Variants in EXOC6B observed in about 807,000 individuals in gnomAD.
EXOC6B encodes exocyst complex component 6B.
Under a neutral mutation model 113.5 loss-of-function variants are expected in EXOC6B, and 54 were observed. The observed-to-expected ratio is 0.48, with a 90% CI of 0.38 to 0.60. The LOEUF (loss-of-function observed/expected upper bound fraction) is 0.60. Among genes scored for constraint, EXOC6B ranks in the 20% least tolerant of loss-of-function variants. EXOC6B has a pLI of 0.00. For missense variants in EXOC6B, 797 were observed against 977.5 expected (o/e 0.82, Z 2.46); for synonymous variants, 357 against 339.0 (o/e 1.05, Z -0.58).
intron 5 of EXOC6B, 131 bp downstream of exon 5, chr2:72,730,876 A>T: frequency 1.9e-6 from 1 of 532,914 alleles, no homozygotes. Flanking sequence ...GAATGAATCA[A>T]TAAATATACA....
chr2:72,656,737 T>TA (rs1469629915), intron 6 of EXOC6B, among the ~76,000 whole-genome samples: 1 of 152,246 alleles, frequency 6.6e-6, no homozygotes, highest in African/African-American at 2.4e-5. Context: ...AGATGACTAC[T>TA]ACTATCAGTT....
chr2:72,179,507 A>G, intron 21 of EXOC6B, 46 bp from the exon 22 acceptor site: 1 of 1,611,816 alleles, frequency 6.2e-7, no homozygotes, highest in Non-Finnish European at 8.5e-7. Flanking sequence ...TGAGGAAACA[A>G]TGGTGGAAGG....
At chr2:72,183,501 G>A (rs1414427042) in intron 21 of EXOC6B, among the ~76,000 whole-genome samples, 1 of 152,172 alleles carries the variant, frequency 6.6e-6, no homozygotes, top group Non-Finnish European at 1.5e-5. Context: ...CTGCAGGCTA[G>A]TGACTGCTTA....
chr2:72,443,620 A>G (rs2105338590), intron 18 of EXOC6B, among the ~76,000 whole-genome samples: 1 of 152,354 alleles, frequency 6.6e-6, no homozygotes, highest in East Asian at 1.9e-4. Flanking sequence ...ATAGACTTCC[A>G]GTTCCACATG....
chr2:72,526,057 A>G lies in EXOC6B; in HGVS notation c.916-10931T>C, dbSNP rs978828223. 8.5e-4 allele frequency among the ~76,000 whole-genome samples: 129 copies of G among 152,104 alleles called. 1 individual carries two copies. The highest frequency in any genetic ancestry group is 2.9e-4 in the Non-Finnish European group (20 of 67,970). ...CAATTTTTAAGTCTTTTCTGACCTA[A>G]CTTACACTTGTCAATCTTCTAAACT... On this transcript the variant is annotated intron_variant, in intron 8 of 21. Coordinates refer to ENST00000272427, the MANE Select transcript of EXOC6B (RefSeq NM_015189.3).
chr2:72,315,829 A>G (rs1318279892), intron 20 of EXOC6B, among the ~76,000 whole-genome samples: 2 of 152,164 alleles, frequency 1.3e-5, no homozygotes, highest in African/African-American at 4.8e-5. Flanking sequence ...GGACATTTTA[A>G]TGTATAATAA....
rs1691575990 is a variant in EXOC6B at position 72,379,801 on chromosome 2, A to G, written c.2050T>C (p.Leu684=). 1.9e-6 allele frequency: 3 copies of G among 1,613,262 alleles called. No homozygotes were observed. The highest frequency in any genetic ancestry group is 1.7e-6 in the Non-Finnish European group (2 of 1,179,624). Residue 684 remains leucine (L), a synonymous_variant, in exon 19 of 22, where the codon TTG becomes CTG. Coordinates refer to ENST00000272427, the MANE Select transcript of EXOC6B (RefSeq NM_015189.3). ...HLATSLMQLL[L]EAEVRQLTLG... ...GTGAGCTGCCGCACTTCAGCTTCCA[A>G]CAAAAGTTGCATCAAGGATGTGGCT...
rs773803238 is a variant in EXOC6B, at chr2:72,567,282, T to C, written c.847-7761A>G. Among the ~76,000 whole-genome samples, 20 of 152,192 alleles carry C rather than the reference T, an allele frequency of 1.3e-4. 1 individual carries two copies. In the South Asian group the frequency reaches 2.1e-3, roughly 16 times the overall value. On this transcript the variant is annotated intron_variant, in intron 7 of 21. Coordinates refer to ENST00000272427, the MANE Select transcript of EXOC6B (RefSeq NM_015189.3). ...TATACAGATTTAGTGGGATACACTG[T>C]AGGATCAAAAGAACTGTGAAGAAAT...
chr2:72,441,629 C>T lies in EXOC6B; in HGVS notation c.1980+23531G>A, dbSNP rs147141832. On this transcript the variant is annotated intron_variant, in intron 18 of 21. Coordinates refer to ENST00000272427, the MANE Select transcript of EXOC6B (RefSeq NM_015189.3). ...TTATAAACACCTCTATGCATATCAA[C>T]TAGAATATCTAGAACTAATCGATAA... 9.5e-4 allele frequency among the ~76,000 whole-genome samples: 144 copies of T among 152,288 alleles called. 1 individual carries two copies. Among genetic ancestry groups the T allele is most frequent in the African/African-American group, 3.2e-3 (131 of 41,550 alleles).
At chr2:72,324,326 C>T (rs1373656433) in intron 20 of EXOC6B, among the ~76,000 whole-genome samples, 1 of 152,164 alleles carries the variant, frequency 6.6e-6, no homozygotes, top group Non-Finnish European at 1.5e-5. Flanking sequence ...ATTCTCAATT[C>T]CTTACTTTCT....
chr2:72,498,604 C>CT, intron 12 of EXOC6B, 53 bp from the exon 13 acceptor site: 3 of 1,092,770 alleles, frequency 2.7e-6, no homozygotes, highest in Admixed American at 3.1e-5. Context: ...GTTTTTTTTT[C>CT]GGTTTTTTTT....
chr2:72,688,215 T>A (rs1677223725), intron 6 of EXOC6B, among the ~76,000 whole-genome samples: 1 of 152,198 alleles, frequency 6.6e-6, no homozygotes. Context: ...GACTTTTCAA[T>A]GCTCTTGACT....
Position 72,708,896 on chromosome 2 carries a change from A to ATTTT in EXOC6B, c.669+9203_669+9206dup, listed in dbSNP as rs1159794341. ...AGGCTTGTGCCACCACATCCAGCTAATTTTTTTTTTTTTTTTTTTTTTTTT... is the reference window on the plus strand; with the variant it reads ...AGGCTTGTGCCACCACATCCAGCTAATTTTTTTTTTTTTTTTTTTTTTTTTTTTT... On this transcript the variant is annotated intron_variant, in intron 6 of 21. Transcript: ENST00000272427. Among the ~76,000 whole-genome samples, 271 of 69,802 alleles carry ATTTT rather than the reference A, an allele frequency of 3.9e-3. 34 individuals carry two copies. The highest frequency in any genetic ancestry group is 0.031 in the Middle Eastern group (2 of 64). 45.8% of individuals were successfully genotyped at this position (69,802 alleles called of 152,430 possible). A position where few individuals can be genotyped will look rare whatever the true frequency, so the allele number is the denominator to read the frequency against.
chr2:72,793,582 G>A (rs974456027), intron 1 of EXOC6B, among the ~76,000 whole-genome samples: 4 of 152,114 alleles, frequency 2.6e-5, no homozygotes, highest in African/African-American at 7.2e-5. Flanking sequence ...TGAACTAGCT[G>A]GAGGAGTCAG....
chr2:72,453,012 C>T (rs1697000596), intron 18 of EXOC6B, among the ~76,000 whole-genome samples: 1 of 152,120 alleles, frequency 6.6e-6, no homozygotes, highest in South Asian at 2.1e-4. Flanking sequence ...CAACAGCACT[C>T]CTACAGACCC....
In EXOC6B at chr2:72,315,268, A is replaced by C. The variant is rs147931310; in HGVS notation, c.2196+19679T>G. Reference sequence around the variant, plus strand: ...TGGGAGTGTACCCAGCATGTCTAGGAAACAATAAAGGGGCTATCAGAGTGA... The same window carrying C: ...TGGGAGTGTACCCAGCATGTCTAGGCAACAATAAAGGGGCTATCAGAGTGA... On this transcript the variant is annotated intron_variant, in intron 20 of 21. Coordinates refer to ENST00000272427, the MANE Select transcript of EXOC6B (RefSeq NM_015189.3). Among the ~76,000 whole-genome samples, 1,107 of 152,200 alleles carry C rather than the reference A, an allele frequency of 7.3e-3. 15 individuals are homozygous for C. The highest frequency in any genetic ancestry group is 0.024 in the African/African-American group (1,010 of 41,538).
chr2:72,578,852 C>A (rs1421441124), intron 6 of EXOC6B, among the ~76,000 whole-genome samples: 1 of 151,868 alleles, frequency 6.6e-6, no homozygotes, highest in East Asian at 1.9e-4. Flanking sequence ...ACTCAGGAAA[C>A]GGCAAGTAAC....
At chr2:72,209,243 A>AAAAAGAAAAGAAAAGAAAAG (rs1231419000) in intron 20 of EXOC6B, among the ~76,000 whole-genome samples, 22 of 110,650 alleles carry the variant, frequency 2.0e-4, no homozygotes, top group African/African-American at 8.0e-4. Context: ...AAAAAAAAAA[A>AAAAAGAAAAGAAAAGAAAAG]AAAAGAAAAG....
chr2:72,263,185 C>T (rs1683845217), intron 20 of EXOC6B: 1 of 152,138 alleles, frequency 6.6e-6, no homozygotes, highest in Non-Finnish European at 1.5e-5. Context: ...AACAGCCTGC[C>T]AGAGGAGGTT....
Sources: gnomAD v4.1 joint callset for allele counts (sites outside exome capture counted in the v4.1 genomes callset) on GRCh38, gnomAD v4.1.1 for gene constraint, MANE v1.5 for transcripts, NCBI Gene and HGNC (gene_info 2026-07-23, HGNC 2026-07-21) for gene names.